The following ARMH3 variants were observed in gnomAD, a reference collection of about 807,000 sequenced individuals.
The protein encoded by ARMH3 is armadillo-like helical domain-containing protein 3.
A neutral mutation model predicts 99.1 loss-of-function variants in ARMH3; 60 were observed. The ratio of observed to expected loss-of-function variants is 0.61; its 90% CI spans 0.49 to 0.75. ARMH3 has a LOEUF of 0.75. ARMH3 is among the 30% of genes least tolerant of loss of function. The probability of loss-of-function intolerance (pLI) is 0.00; values close to 1 mark genes in which losing one functional copy is unlikely to be tolerated. For synonymous variants in ARMH3, 285 were observed against 292.8 expected (o/e 0.97, Z 0.27); for missense variants, 679 against 843.1 (o/e 0.81, Z 2.41).
At chr10:101,919,560 T>C (rs1407145889) in intron 23 of ARMH3, among the ~76,000 whole-genome samples, 1 of 152,138 alleles carries the variant, frequency 6.6e-6, no homozygotes, top group East Asian at 1.9e-4. Flanking sequence ...AGCAGACCCC[T>C]GTAGGCTGAA....
intron 24 of ARMH3, among the ~76,000 whole-genome samples, chr10:101,854,772 T>A (rs919986579): frequency 6.6e-6 from 1 of 152,116 alleles, no homozygotes; most frequent in East Asian, 1.9e-4. Context: ...AGTTTCTTAA[T>A]GTCTTTGAGC....
intron 23 of ARMH3, among the ~76,000 whole-genome samples, chr10:101,912,826 G>A (rs1842924240): frequency 6.6e-6 from 1 of 152,084 alleles, no homozygotes; most frequent in South Asian, 2.1e-4. Flanking sequence ...ATCATACAGA[G>A]GAAGCTCTCT....
chr10:101,873,766 TATC>T (rs2067193343), intron 24 of ARMH3, among the ~76,000 whole-genome samples: 1 of 152,236 alleles, frequency 6.6e-6, no homozygotes, highest in South Asian at 2.1e-4. Flanking sequence ...TTCTTTCACT[TATC>T]ATAATGTTTT....
intron 22 of ARMH3, among the ~76,000 whole-genome samples, chr10:101,946,712 A>G (rs771803656): frequency 7.9e-5 from 12 of 152,144 alleles, no homozygotes; most frequent in Non-Finnish European, 1.8e-4. Context: ...AGTCTCAGAA[A>G]AGGAGGAGAC....
intron 4 of ARMH3, among the ~76,000 whole-genome samples, chr10:102,030,201 G>A: frequency 6.6e-6 from 1 of 152,110 alleles, no homozygotes; most frequent in Non-Finnish European, 1.5e-5. Flanking sequence ...AATTAGAAAT[G>A]TGAGCCACTG....
intron 23 of ARMH3, among the ~76,000 whole-genome samples, chr10:101,900,636 A>G (rs1191897352): frequency 6.6e-6 from 1 of 152,212 alleles, no homozygotes; most frequent in African/African-American, 2.4e-5. Context: ...TAAGCATGGG[A>G]GAGCAAGAAA....
At chr10:101,850,562 T>G (rs936121375) in intron 24 of ARMH3, among the ~76,000 whole-genome samples, 1 of 151,806 alleles carries the variant, frequency 6.6e-6, no homozygotes, top group Non-Finnish European at 1.5e-5. Flanking sequence ...GTAGCTGGGA[T>G]TACAGGTGTG....
intron 8 of ARMH3, among the ~76,000 whole-genome samples, chr10:102,018,828 A>T (rs2066809416): frequency 1.3e-5 from 2 of 152,050 alleles, no homozygotes; most frequent in Non-Finnish European, 2.9e-5. Context: ...ATGGTGGCGC[A>T]TGCCTGTAGT....
At chr10:101,954,284 C>T (rs1319784295) in intron 22 of ARMH3, among the ~76,000 whole-genome samples, 1 of 152,194 alleles carries the variant, frequency 6.6e-6, no homozygotes, top group African/African-American at 2.4e-5. Flanking sequence ...AACTGGAAAC[C>T]TTCCAAATGT....
Position 102,040,139 on chromosome 10 carries a change from G to A in ARMH3, c.-11-14C>T, listed in dbSNP as rs1294938527. 1.3e-6 allele frequency: 2 copies of A among 1,593,714 alleles called. No individual in the cohort carries two copies. Among genetic ancestry groups the A allele is most frequent in the Non-Finnish European group, 1.7e-6 (2 of 1,161,466 alleles). ...TGGTTAGAGAATCTGTGAACAGAAA[G>A]TCACATTTTAGAATAGTGAAAATAC... On this transcript the variant is annotated splice_polypyrimidine_tract_variant and intron_variant, in intron 1 of 25. Transcript: ENST00000370033.
intron 23 of ARMH3, among the ~76,000 whole-genome samples, chr10:101,892,433 T>G (rs1413925967): frequency 6.6e-6 from 1 of 152,222 alleles, no homozygotes; most frequent in Admixed American, 6.5e-5. Flanking sequence ...CGCTCCAGCC[T>G]GGGCAATATA....
At chr10:101,898,708 A>C (rs1321816692) in intron 23 of ARMH3, among the ~76,000 whole-genome samples, 1 of 152,236 alleles carries the variant, frequency 6.6e-6, no homozygotes, top group East Asian at 1.9e-4. Flanking sequence ...ACACACATAT[A>C]TGTATGTATA....
intron 20 of ARMH3, among the ~76,000 whole-genome samples, chr10:101,958,117 T>A (rs1199046511): frequency 1.3e-5 from 2 of 152,242 alleles, no homozygotes; most frequent in Non-Finnish European, 2.9e-5. Context: ...AGCTGCTAGC[T>A]TCTATTGTCA....
chr10:101,940,216 G>A (rs1234950474), intron 22 of ARMH3, among the ~76,000 whole-genome samples: 1 of 152,078 alleles, frequency 6.6e-6, no homozygotes, highest in African/African-American at 2.4e-5. Flanking sequence ...TGCTAACCGG[G>A]TTCCATAACT....
At chr10:101,876,317 C>T (rs2067266648) in intron 24 of ARMH3, among the ~76,000 whole-genome samples, 1 of 151,786 alleles carries the variant, frequency 6.6e-6, no homozygotes, top group East Asian at 1.9e-4. Flanking sequence ...TCCCTAGCTC[C>T]AACCAAGAGG....
intron 20 of ARMH3, among the ~76,000 whole-genome samples, chr10:101,973,279 G>A (rs1207118393): frequency 1.3e-5 from 2 of 150,442 alleles, no homozygotes; most frequent in African/African-American, 2.4e-5. Context: ...GGAGAATGGT[G>A]TGAACCCGGG....
intron 23 of ARMH3, among the ~76,000 whole-genome samples, chr10:101,909,654 A>C (rs1842788241): frequency 6.6e-6 from 1 of 151,114 alleles, no homozygotes; most frequent in Admixed American, 6.6e-5. Flanking sequence ...ATTTTTTGTA[A>C]ATATCAGGTT....
intron 1 of ARMH3, among the ~76,000 whole-genome samples, 197 bp downstream of exon 1, chr10:102,055,888 G>C (rs2067839169): frequency 6.6e-6 from 1 of 152,176 alleles, no homozygotes; most frequent in Middle Eastern, 3.2e-3. Flanking sequence ...AGGCTCGGCC[G>C]CCCCCAGGCC....
At chr10:101,940,432 T>G (rs557710634) in intron 22 of ARMH3, among the ~76,000 whole-genome samples, 1 of 152,324 alleles carries the variant, frequency 6.6e-6, no homozygotes, top group African/African-American at 2.4e-5. Context: ...AGGATGGTCA[T>G]GTGTCAATCA....
Sources: allele counts gnomAD v4.1 joint callset (sites outside exome capture counted in the v4.1 genomes callset), GRCh38; gene constraint gnomAD v4.1.1; transcripts MANE v1.5; gene names NCBI Gene and HGNC (gene_info 2026-07-23, HGNC 2026-07-21).